LGSN: variants seen among roughly 807,000 people sequenced by gnomAD.
The protein encoded by LGSN is lengsin.
In LGSN, 21 loss-of-function variants were observed where a neutral mutation model predicts 19.5. That is an observed-to-expected ratio of 1.07 (90% confidence interval 0.76 to 1.55). The LOEUF (loss-of-function observed/expected upper bound fraction) is 1.55, where lower values mean the gene tolerates loss of function less well. Among genes scored for constraint, LGSN ranks in the 40% most tolerant of loss-of-function variants. LGSN has a pLI of 0.00. For synonymous variants in LGSN, 257 were observed against 215.6 expected, an observed-to-expected ratio of 1.19 and a Z score of -1.68; for missense variants, 673 against 608.5, an observed-to-expected ratio of 1.11 and a Z score of -1.12.
chr6:63,540,027 G>A, the LGSN span, among the ~76,000 whole-genome samples: 8 of 152,294 alleles, frequency 5.3e-5, no homozygotes, highest in African/African-American at 1.7e-4. Context: ...CAGCCATCCA[G>A]AAGACAATCT....
chr6:63,502,518 AG>A, the LGSN span, among the ~76,000 whole-genome samples: 1 of 152,260 alleles, frequency 6.6e-6, no homozygotes, highest in Non-Finnish European at 1.5e-5. Context: ...TGCATTAAAA[AG>A]AAAGTTAATA....
the LGSN span, among the ~76,000 whole-genome samples, chr6:63,363,450 G>A: frequency 2.0e-5 from 3 of 151,994 alleles, no homozygotes; most frequent in Admixed American, 6.6e-5. Context: ...TAAAAACCTT[G>A]AAAAAAGATT....
At chr6:63,312,271 A>C (rs924464848) in intron 1 of LGSN, among the ~76,000 whole-genome samples, 1 of 152,322 alleles carries the variant, frequency 6.6e-6, no homozygotes, top group Admixed American at 6.5e-5. Flanking sequence ...GGGAGTGTAG[A>C]TATCTCTTCA....
At chr6:63,505,585 GAAAGAAAGAAA>G in the LGSN span, among the ~76,000 whole-genome samples, 1 of 96,358 alleles carries the variant, frequency 1.0e-5, no homozygotes, top group East Asian at 5.4e-4. Context: ...AAGAAAGAAA[GAAAGAAAGAAA>G]GAAAGAAAGA....
the LGSN span, among the ~76,000 whole-genome samples, chr6:63,534,908 A>C: frequency 7.9e-4 from 119 of 151,208 alleles, no homozygotes; most frequent in African/African-American, 2.8e-3. Context: ...AAAAATACAA[A>C]AACTAGCTGG....
At chr6:63,348,309 C>T in the LGSN span, among the ~76,000 whole-genome samples, 1 of 152,060 alleles carries the variant, frequency 6.6e-6, no homozygotes, top group African/African-American at 2.4e-5. Context: ...CAAAAATTAG[C>T]TGGGAGCTGT....
Position 63,280,100 on chromosome 6 carries a change from A to C in LGSN, c.1451T>G (p.Phe484Cys), listed in dbSNP as rs1767230835. ...CAACTCATATTTCTTCATGGCAACA[A>C]AATATCGAATAAAGGTTTCTCCTAG... ...QALGETFIRYFVAMKKYELEN... is the reference protein window; with the variant it reads ...QALGETFIRYCVAMKKYELEN... Residue 484 changes from phenylalanine to cysteine, a missense_variant, in exon 4 of 4, where the codon TTT becomes TGT. Physicochemically the swap from Phe to Cys is radical, Grantham distance 205. Coordinates refer to ENST00000370657, the MANE Select transcript of LGSN (RefSeq NM_016571.3). 6.2e-7 allele frequency: 1 copy of C among 1,613,892 alleles called. No homozygotes were observed. Among genetic ancestry groups the C allele is most frequent in the Non-Finnish European group, 8.5e-7 (1 of 1,179,978 alleles).
chr6:63,355,428 A>C, the LGSN span, among the ~76,000 whole-genome samples: 2 of 152,204 alleles, frequency 1.3e-5, no homozygotes, highest in African/African-American at 4.8e-5. Context: ...AAAAGAGTAC[A>C]TCCTATGCCA....
chr6:63,514,663 GTGT>G, the LGSN span, among the ~76,000 whole-genome samples: 1 of 152,192 alleles, frequency 6.6e-6, no homozygotes, highest in Non-Finnish European at 1.5e-5. Flanking sequence ...TATGTCCCCA[GTGT>G]TGTTGTGGTT....
At chr6:63,524,099 C>T in the LGSN span, among the ~76,000 whole-genome samples, 4 of 152,030 alleles carry the variant, frequency 2.6e-5, no homozygotes, top group Non-Finnish European at 5.9e-5. Flanking sequence ...CTCCCCATGT[C>T]TCAGCTTTCT....
At chr6:63,317,254 T>C (rs549369294) in intron 1 of LGSN, among the ~76,000 whole-genome samples, 1 of 152,332 alleles carries the variant, frequency 6.6e-6, no homozygotes, top group African/African-American at 2.4e-5. Context: ...CTAAGCACTT[T>C]ACATGTATTA....
At chr6:63,312,398 C>G (rs1197284165) in intron 1 of LGSN, among the ~76,000 whole-genome samples, 2 of 152,066 alleles carry the variant, frequency 1.3e-5, no homozygotes, top group African/African-American at 4.8e-5. Context: ...AAAGTAGAAT[C>G]CTTATTAAAC....
the LGSN span, among the ~76,000 whole-genome samples, chr6:63,383,979 A>G: frequency 1.3e-5 from 2 of 152,110 alleles, no homozygotes; most frequent in Non-Finnish European, 2.9e-5. Flanking sequence ...CACTTCTCTA[A>G]CTTGACATTC....
At chr6:63,529,477 T>G in the LGSN span, among the ~76,000 whole-genome samples, 1 of 152,098 alleles carries the variant, frequency 6.6e-6, no homozygotes, top group Non-Finnish European at 1.5e-5. Context: ...TCCTCCTCCT[T>G]CACCCCTCCC....
chr6:63,291,750 C>T (rs1582028572), intron 2 of LGSN, among the ~76,000 whole-genome samples: 1 of 152,218 alleles, frequency 6.6e-6, no homozygotes. Context: ...ATTTCCCTGC[C>T]TCTTTTCGGT....
chr6:63,497,758 T>G, the LGSN span, among the ~76,000 whole-genome samples: 4 of 151,892 alleles, frequency 2.6e-5, no homozygotes, highest in African/African-American at 9.7e-5. Flanking sequence ...CAAATCATTT[T>G]ATAGCCCTTT....
chr6:63,527,141 T>C, the LGSN span, among the ~76,000 whole-genome samples: 1 of 152,148 alleles, frequency 6.6e-6, no homozygotes, highest in East Asian at 1.9e-4. Context: ...ACTCAACACA[T>C]GTTGGAACTG....
the LGSN span, among the ~76,000 whole-genome samples, chr6:63,428,413 G>T: frequency 6.6e-6 from 1 of 152,006 alleles, no homozygotes; most frequent in Non-Finnish European, 1.5e-5. Flanking sequence ...GTGCCATGGC[G>T]CGATCTTGGC....
At chr6:63,434,870 A>C in the LGSN span, among the ~76,000 whole-genome samples, 1 of 152,174 alleles carries the variant, frequency 6.6e-6, no homozygotes, top group African/African-American at 2.4e-5. Flanking sequence ...AAGGTACATC[A>C]TGAGAAACAG....
Sources: allele counts gnomAD v4.1 joint callset (sites outside exome capture counted in the v4.1 genomes callset), GRCh38; gene constraint gnomAD v4.1.1; transcripts MANE v1.5; gene names NCBI Gene and HGNC (gene_info 2026-07-23, HGNC 2026-07-21).